The following PPHLN1 variants were observed in gnomAD, a reference collection of about 807,000 sequenced individuals.
PPHLN1 encodes periphilin-1.
In PPHLN1, 29 loss-of-function variants were observed where a neutral mutation model predicts 51.3. That is an observed-to-expected ratio of 0.57 (90% confidence interval 0.42 to 0.77). PPHLN1 has a LOEUF of 0.77. Among genes scored for constraint, PPHLN1 ranks in the 30% least tolerant of loss-of-function variants. PPHLN1 has a pLI of 0.00. For missense variants in PPHLN1, 436 were observed against 438.4 expected (o/e 0.99, Z 0.05); for synonymous variants, 147 against 147.8 (o/e 0.99, Z 0.04).
chr12:42,374,515 C>T (rs1042746711), intron 4 of PPHLN1: 5 of 187,238 alleles, frequency 2.7e-5, no homozygotes, highest in Middle Eastern at 2.6e-3. Context: ...TCTGGGCTCA[C>T]TGCAAGCTCC....
At chr12:42,335,036 A>G in intron 1 of PPHLN1, among the ~76,000 whole-genome samples, 1 of 152,204 alleles carries the variant, frequency 6.6e-6, no homozygotes, top group East Asian at 1.9e-4. Flanking sequence ...CATTTCATAT[A>G]AATGGTCTCT....
intron 2 of PPHLN1, among the ~76,000 whole-genome samples, chr12:42,347,978 C>T (rs2072620071): frequency 6.6e-6 from 1 of 152,142 alleles, no homozygotes; most frequent in Non-Finnish European, 1.5e-5. Context: ...GATCAGGTAT[C>T]TACAGAGCAG....
At chr12:42,345,172 A>G (rs1241901242) in intron 2 of PPHLN1, among the ~76,000 whole-genome samples, 1 of 152,170 alleles carries the variant, frequency 6.6e-6, no homozygotes, top group Non-Finnish European at 1.5e-5. Context: ...CCATTTCACC[A>G]GTTGGAAAAC....
intron 9 of PPHLN1, among the ~76,000 whole-genome samples, chr12:42,436,036 T>C (rs1196320538): frequency 6.6e-6 from 1 of 152,248 alleles, no homozygotes; most frequent in Non-Finnish European, 1.5e-5. Flanking sequence ...GGCTACTGTA[T>C]TGGACAGCAC....
chr12:42,403,851 C>T (rs918254583), intron 9 of PPHLN1, among the ~76,000 whole-genome samples: 3 of 152,190 alleles, frequency 2.0e-5, no homozygotes, highest in Admixed American at 1.3e-4. Context: ...CTCATCCACT[C>T]TCTACCAGTG....
chr12:42,378,782 T>A (rs117395007), intron 5 of PPHLN1, among the ~76,000 whole-genome samples: 26 of 152,158 alleles, frequency 1.7e-4, no homozygotes, highest in Non-Finnish European at 3.4e-4. Context: ...GTTAATCTTA[T>A]GGAACTTTGA....
At chr12:42,347,307 T>C (rs1048065292) in intron 2 of PPHLN1, 1 of 152,208 alleles carries the variant, frequency 6.6e-6, no homozygotes, top group Admixed American at 6.5e-5. Context: ...CTTTCTAAAA[T>C]GGAGGTTCCG....
rs569854803 is a variant in PPHLN1 at position 42,415,196 on chromosome 12, T to C, written c.909+16202T>C. ...TTATTTATTTGTATTTTTTGAGACG[T>C]AGTCTTGCTCTGTCGCCCAGGCTGG... is the stretch of plus-strand genomic sequence containing the variant. On this transcript the variant is annotated intron_variant, in intron 9 of 9. Coordinates refer to ENST00000358314, the MANE Select transcript of PPHLN1 (RefSeq NM_201439.2). 2.6e-5 allele frequency among the ~76,000 whole-genome samples: 4 copies of C among 152,304 alleles called. No individual in the cohort carries two copies. In the East Asian group the frequency reaches 7.7e-4, roughly 29 times the overall value.
downstream of PPHLN1, chr12:42,445,972 G>T (rs2140052093): frequency 4.0e-6 from 6 of 1,500,348 alleles, no homozygotes; most frequent in Non-Finnish European, 4.5e-6. Flanking sequence ...CATCCCCTCA[G>T]GCCCTCTTTG....
At chr12:42,378,569 G>A (rs1246826223) in intron 5 of PPHLN1, among the ~76,000 whole-genome samples, 1 of 150,572 alleles carries the variant, frequency 6.6e-6, no homozygotes, top group African/African-American at 2.5e-5. Flanking sequence ...ATAAATAACA[G>A]GTTAAAATAA....
chr12:42,338,606 G>C (rs1267862938), intron 2 of PPHLN1, among the ~76,000 whole-genome samples: 2 of 152,216 alleles, frequency 1.3e-5, no homozygotes, highest in South Asian at 2.1e-4. Context: ...AGATGGAACA[G>C]TTTTGAGTGA....
chr12:42,372,791 C>G (rs1405591885), intron 4 of PPHLN1, among the ~76,000 whole-genome samples: 1 of 152,150 alleles, frequency 6.6e-6, no homozygotes, highest in Non-Finnish European at 1.5e-5. Context: ...ACACAAACAT[C>G]TTAAATATAA....
intron 6 of PPHLN1, among the ~76,000 whole-genome samples, chr12:42,385,333 C>T (rs777329639): frequency 6.6e-6 from 1 of 152,130 alleles, no homozygotes; most frequent in Non-Finnish European, 1.5e-5. Flanking sequence ...TTTTCTTTAT[C>T]CTTTGCTGCT....
intron 1 of PPHLN1, among the ~76,000 whole-genome samples, chr12:42,328,929 A>T (rs2069211626): frequency 6.6e-6 from 1 of 151,988 alleles, no homozygotes; most frequent in Non-Finnish European, 1.5e-5. Context: ...GGCCAGACTG[A>T]TCTTGAACTC....
chr12:42,385,052 T>G, intron 6 of PPHLN1, 56 bp downstream of exon 6: 1 of 1,498,876 alleles, frequency 6.7e-7, no homozygotes, highest in East Asian at 2.3e-5. Flanking sequence ...AGACTTGAAC[T>G]GATAGCGGTT....
downstream of PPHLN1, chr12:42,447,637 C>G (rs1030786570): frequency 6.6e-6 from 1 of 152,170 alleles, no homozygotes; most frequent in Non-Finnish European, 1.5e-5. Context: ...TACTTACTAC[C>G]CAATTTCATT....
chr12:42,378,092 C>T (rs1334108236), intron 5 of PPHLN1, among the ~76,000 whole-genome samples: 1 of 2,604 alleles, frequency 3.8e-4, no homozygotes, highest in Non-Finnish European at 1.4e-3. Flanking sequence ...CTATCTTTCT[C>T]TTTCTTTCTT....
At chr12:42,417,657 T>C (rs1178409472) in intron 9 of PPHLN1, among the ~76,000 whole-genome samples, 1 of 151,994 alleles carries the variant, frequency 6.6e-6, no homozygotes, top group Non-Finnish European at 1.5e-5. Flanking sequence ...ACACTTCAAA[T>C]GTTATTAAAT....
At chr12:42,384,690 ACTGGT>A (rs2077043174) in intron 5 of PPHLN1, among the ~76,000 whole-genome samples, 1 of 152,106 alleles carries the variant, frequency 6.6e-6, no homozygotes, top group African/African-American at 2.4e-5. Flanking sequence ...GTTATCCTTG[ACTGGT>A]CTTATCCTGA....
Sources: gnomAD v4.1 joint callset for allele counts (sites outside exome capture counted in the v4.1 genomes callset) on GRCh38, gnomAD v4.1.1 for gene constraint, MANE v1.5 for transcripts, NCBI Gene and HGNC (gene_info 2026-07-23, HGNC 2026-07-21) for gene names.